ANTXR1: variants seen among roughly 807,000 people sequenced by gnomAD.
The protein encoded by ANTXR1 is anthrax toxin receptor 1.
ANTXR1 carries 19 observed loss-of-function variants against 78.1 expected under a neutral mutation model. That is an observed-to-expected ratio of 0.24 (90% CI 0.17 to 0.36). ANTXR1 has a LOEUF of 0.36. ANTXR1 is among the 10% of genes least tolerant of loss of function. The probability of loss-of-function intolerance (pLI) is 1.00; values close to 1 mark genes in which losing one functional copy is unlikely to be tolerated. For synonymous variants in ANTXR1, 273 were observed against 260.5 expected (o/e 1.05, Z -0.46); for missense variants, 518 against 718.6 (o/e 0.72, Z 3.19).
intron 9 of ANTXR1, among the ~76,000 whole-genome samples, chr2:69,099,635 G>A (rs1340403162): frequency 6.6e-6 from 1 of 152,172 alleles, no homozygotes; most frequent in East Asian, 1.9e-4. Context: ...CAATCATAGT[G>A]AGTATGAAGT....
At chr2:69,068,193 A>G (rs1045349729) in intron 3 of ANTXR1, among the ~76,000 whole-genome samples, 1 of 152,240 alleles carries the variant, frequency 6.6e-6, no homozygotes, top group African/African-American at 2.4e-5. Flanking sequence ...CAGGCACTGT[A>G]GTAGGCACAG....
chr2:69,221,598 G>T (rs1167523829), intron 17 of ANTXR1, among the ~76,000 whole-genome samples: 2 of 151,960 alleles, frequency 1.3e-5, no homozygotes, highest in Admixed American at 6.6e-5. Context: ...TGGTGAAGAA[G>T]GGGTGGAGTT....
chr2:69,117,485 T>C (rs550145159), intron 10 of ANTXR1, among the ~76,000 whole-genome samples: 10 of 152,338 alleles, frequency 6.6e-5, no homozygotes, highest in African/African-American at 2.2e-4. Flanking sequence ...TATGCATATG[T>C]GTATATGTGT....
intron 17 of ANTXR1, among the ~76,000 whole-genome samples, chr2:69,229,395 A>G (rs1335046763): frequency 6.6e-6 from 1 of 152,198 alleles, no homozygotes; most frequent in African/African-American, 2.4e-5. Context: ...ATGAGCTTGT[A>G]TATATGGAGC....
chr2:69,152,267 A>G lies in ANTXR1; in HGVS notation c.1047+3A>G, dbSNP rs1345648223. ...TCTGGCCCCTCTGCTGCACTGTGGT[A>G]AGTGCCCCAAACCTCAGGCCATGCA... On this transcript the variant is annotated splice_donor_region_variant and intron_variant, in intron 13 of 17. Coordinates refer to ENST00000303714, the MANE Select transcript of ANTXR1 (RefSeq NM_032208.3). 5.6e-6 allele frequency: 9 copies of G among 1,613,814 alleles called. No homozygotes were observed. Among genetic ancestry groups the G allele is most frequent in the Non-Finnish European group, 7.6e-6 (9 of 1,179,812 alleles).
At chr2:69,244,906 C>G (rs777407794) in intron 17 of ANTXR1, among the ~76,000 whole-genome samples, 2 of 152,108 alleles carry the variant, frequency 1.3e-5, no homozygotes, top group African/African-American at 4.8e-5. Context: ...GCTAATAATA[C>G]CCGGTTAGCA....
intron 14 of ANTXR1, among the ~76,000 whole-genome samples, chr2:69,173,238 C>T (rs1458227575): frequency 6.6e-6 from 1 of 152,200 alleles, no homozygotes; most frequent in Non-Finnish European, 1.5e-5. Context: ...CCTTCTCTTA[C>T]TGGCCGCCTC....
intron 1 of ANTXR1, among the ~76,000 whole-genome samples, chr2:69,036,875 G>A (rs989016023): frequency 1.3e-5 from 2 of 152,162 alleles, no homozygotes; most frequent in Non-Finnish European, 2.9e-5. Flanking sequence ...TCCACCCTAT[G>A]GCTGAAGGAT....
intron 16 of ANTXR1, among the ~76,000 whole-genome samples, chr2:69,186,809 C>A (rs1435652788): frequency 6.6e-6 from 1 of 152,202 alleles, no homozygotes. Flanking sequence ...CCTGCAAATC[C>A]TTGGCTCTTT....
chr2:69,068,325 A>C (rs909778126), intron 3 of ANTXR1, among the ~76,000 whole-genome samples: 6 of 152,260 alleles, frequency 3.9e-5, no homozygotes, highest in African/African-American at 1.4e-4. Context: ...AAATATCTTA[A>C]GTGCTATAAA....
intron 3 of ANTXR1, among the ~76,000 whole-genome samples, chr2:69,059,129 A>G (rs1473951912): frequency 6.6e-6 from 1 of 152,230 alleles, no homozygotes; most frequent in Non-Finnish European, 1.5e-5. Flanking sequence ...TGAAATTACA[A>G]GGAACTTAGA....
At chr2:69,111,591 CT>C (rs1445082992) in intron 10 of ANTXR1, among the ~76,000 whole-genome samples, 12 of 152,162 alleles carry the variant, frequency 7.9e-5, no homozygotes, top group Non-Finnish European at 1.6e-4. Context: ...TATTTCTCAA[CT>C]TGATTTTCAA....
At position 69,122,359 on chromosome 2, in the gene ANTXR1, C is replaced by G. The variant is rs1045410108; in HGVS notation, c.803-658C>G. ...TTTGGTGAAGTCATTTGTCAGCAAA[C>G]TTTTTCCACAAATATGGCTTATCTC... is the stretch of plus-strand genomic sequence containing the variant. On this transcript the variant is annotated intron_variant, in intron 10 of 17. Coordinates refer to ENST00000303714, the MANE Select transcript of ANTXR1 (RefSeq NM_032208.3). Among the ~76,000 whole-genome samples the G allele has an allele frequency of 1.4e-4, 21 of 152,334 alleles. 1 individual carries two copies. The highest frequency in any genetic ancestry group is 1.2e-3 in the Admixed American group (19 of 15,304).
At chr2:69,077,813 T>C (rs868841861) in intron 8 of ANTXR1, among the ~76,000 whole-genome samples, 31 of 152,308 alleles carry the variant, frequency 2.0e-4, no homozygotes, top group African/African-American at 7.0e-4. Flanking sequence ...AGCTTTCCCA[T>C]TGTGACTGAA....
chr2:69,018,488 TG>T (rs1671092276), intron 1 of ANTXR1, among the ~76,000 whole-genome samples: 1 of 152,208 alleles, frequency 6.6e-6, no homozygotes. Flanking sequence ...GGCTTTTTTC[TG>T]GGAAAATATC....
rs191319560 is a variant in ANTXR1 at position 69,165,210 on chromosome 2, G to A, written c.1048-5038G>A. On this transcript the variant is annotated intron_variant, in intron 13 of 17. Transcript: ENST00000303714. ...AATTAGAGGACAAATGCTTCATTTC[G>A]TTAATAAAGGAGTTATCTGAAGCAG... is the stretch of plus-strand genomic sequence containing the variant. Among the ~76,000 whole-genome samples the A allele has an allele frequency of 2.4e-3, 367 of 152,322 alleles. 1 individual carries two copies. Among genetic ancestry groups the A allele is most frequent in the Non-Finnish European group, 4.0e-3 (273 of 68,034 alleles).
At chr2:69,150,411 C>T (rs1673360161) in intron 12 of ANTXR1, among the ~76,000 whole-genome samples, 3 of 152,168 alleles carry the variant, frequency 2.0e-5, no homozygotes, top group African/African-American at 7.2e-5. Flanking sequence ...CCATAGATCC[C>T]CTGCCCCTGG....
At chr2:69,216,707 T>C (rs990152589) in intron 17 of ANTXR1, among the ~76,000 whole-genome samples, 2 of 152,158 alleles carry the variant, frequency 1.3e-5, no homozygotes, top group Admixed American at 1.3e-4. Context: ...CAAGACCTTG[T>C]CCCCTCCACT....
At chr2:69,051,253 G>A (rs868657695) in intron 3 of ANTXR1, among the ~76,000 whole-genome samples, 3 of 151,680 alleles carry the variant, frequency 2.0e-5, no homozygotes, top group South Asian at 4.2e-4. Flanking sequence ...ACTGTAGCCT[G>A]AGCAACAGAG....
Sources: gnomAD v4.1 joint callset for allele counts (sites outside exome capture counted in the v4.1 genomes callset) on GRCh38, gnomAD v4.1.1 for gene constraint, MANE v1.5 for transcripts, NCBI Gene and HGNC (gene_info 2026-07-23, HGNC 2026-07-21) for gene names.